Variants in RPP30 observed in about 807,000 individuals in gnomAD.
The protein encoded by RPP30 is ribonuclease P/MRP subunit p30, also known as ribonuclease P protein subunit p30.
In RPP30, 36 loss-of-function variants were observed where a neutral mutation model predicts 38.6. The ratio of observed to expected loss-of-function variants is 0.93; its 90% CI spans 0.71 to 1.23. RPP30 has a LOEUF of 1.23. RPP30 is among the 50% of genes most tolerant of loss of function. RPP30 has a pLI of 0.00. For missense variants in RPP30, 321 were observed against 321.7 expected, an observed-to-expected ratio of 1.00 and a Z score of 0.02; for synonymous variants, 126 against 112.7, an observed-to-expected ratio of 1.12 and a Z score of -0.75.
At chr10:90,875,333 A>G (rs1339957956) in intron 2 of RPP30, among the ~76,000 whole-genome samples, 3 of 152,198 alleles carry the variant, frequency 2.0e-5, no homozygotes, top group Non-Finnish European at 4.4e-5. Context: ...ATTTCAGTCT[A>G]AAAATTAGTT....
intron 6 of RPP30, 45 bp from the exon 7 acceptor site, chr10:90,894,730 C>T: frequency 1.5e-6 from 2 of 1,307,564 alleles, no homozygotes; most frequent in Non-Finnish European, 2.2e-6. Flanking sequence ...ATGAAGTAGG[C>T]CAGTGCATGC....
intron 5 of RPP30, among the ~76,000 whole-genome samples, chr10:90,880,456 A>G (rs1171889335): frequency 2.6e-5 from 4 of 152,188 alleles, no homozygotes; most frequent in African/African-American, 9.7e-5. Context: ...GGCCGGGCAC[A>G]GTGGCTTATG....
rs1847207755 is a variant in RPP30 at position 90,901,890 on chromosome 10, C to T, written c.*1211C>T. On this transcript the variant is annotated 3_prime_UTR_variant, in exon 11 of 11. Coordinates refer to ENST00000371703, the MANE Select transcript of RPP30 (RefSeq NM_006413.5). ...CTGGAGTGCAGTGGCTCGATCTCTG[C>T]TCACTGCAAGCTCCGCCTCCTGGGT... The T allele has an allele frequency of 1.7e-6, 1 of 604,842 alleles. No individual in the cohort carries two copies. Among genetic ancestry groups the T allele is most frequent in the Non-Finnish European group, 2.1e-6 (1 of 485,142 alleles). The allele number at this position is 604,842 out of a possible 1,614,324, so 37.5% of individuals were successfully genotyped here. A position where few individuals can be genotyped will look rare whatever the true frequency, so the allele number is the denominator to read the frequency against.
chr10:90,901,405 T>G lies in RPP30; in HGVS notation c.*726T>G, dbSNP rs1029997455. ...ACTTTAGTTCCTCTTGTTTTAAGCT[T>G]CTTTCATGTATTCAAATCAGCATTT... On this transcript the variant is annotated 3_prime_UTR_variant, in exon 11 of 11. Transcript: ENST00000371703. 15 of 984,718 alleles carry G rather than the reference T, an allele frequency of 1.5e-5. No individual in the cohort carries two copies. The highest frequency in any genetic ancestry group is 3.5e-5 in the African/African-American group (2 of 57,224). The allele number at this position is 984,718 out of a possible 1,614,324, so 61.0% of individuals were successfully genotyped here.
At chr10:90,895,974 G>A in intron 9 of RPP30, 57 bp downstream of exon 9, 1 of 1,342,224 alleles carries the variant, frequency 7.5e-7, no homozygotes, top group Non-Finnish European at 1.1e-6. Flanking sequence ...TTTTGAATTT[G>A]AAGTCGTATT....
At position 90,900,717 on chromosome 10, in the gene RPP30, C is replaced by G; in HGVS notation, c.*38C>G. On this transcript the variant is annotated 3_prime_UTR_variant, in exon 11 of 11. Transcript: ENST00000371703. ...AGTCTCTGTCAGCACTCCCTTCTTC[C>G]CTTTTATAGTTCATCAGCCACAACA... is the stretch of plus-strand genomic sequence containing the variant. 6.3e-7 allele frequency: 1 copy of G among 1,585,590 alleles called. No homozygotes were observed. Among genetic ancestry groups the G allele is most frequent in the Non-Finnish European group, 8.6e-7 (1 of 1,169,216 alleles).
intron 6 of RPP30, among the ~76,000 whole-genome samples, chr10:90,891,307 C>T (rs977367977): frequency 1.3e-5 from 2 of 152,188 alleles, no homozygotes; most frequent in Non-Finnish European, 2.9e-5. Flanking sequence ...CCTTTGTCTT[C>T]AGTGTGTTCT....
chr10:90,903,069 A>G, downstream of RPP30: 1 of 678,434 alleles, frequency 1.5e-6, no homozygotes, highest in South Asian at 1.7e-5. Flanking sequence ...GGTTTGGAAA[A>G]GAGTCATTAC....
intron 6 of RPP30, among the ~76,000 whole-genome samples, chr10:90,890,356 A>T (rs1318094232): frequency 6.6e-6 from 1 of 152,120 alleles, no homozygotes; most frequent in African/African-American, 2.4e-5. Context: ...TTCCATTTCA[A>T]TGTTATTGTC....
At chr10:90,903,391 A>T (rs1425777168), downstream of RPP30, 21 of 623,376 alleles carry the variant, frequency 3.4e-5, no homozygotes, top group Non-Finnish European at 5.7e-5. Flanking sequence ...TACCAGCTAC[A>T]GTTGCACCAG....
downstream of RPP30, among the ~76,000 whole-genome samples, chr10:90,903,552 T>C (rs2120244839): frequency 6.6e-6 from 1 of 152,328 alleles, no homozygotes; most frequent in African/African-American, 2.4e-5. Flanking sequence ...TAGTATGTGT[T>C]TGCAGTTGTG....
chr10:90,892,681 A>G (rs939913796), intron 6 of RPP30, among the ~76,000 whole-genome samples: 1 of 152,208 alleles, frequency 6.6e-6, no homozygotes, highest in African/African-American at 2.4e-5. Flanking sequence ...CTAGAAGGAT[A>G]AGGAAAAGAA....
chr10:90,875,708 A>G, intron 3 of RPP30, 94 bp downstream of exon 3: 1 of 1,030,762 alleles, frequency 9.7e-7, no homozygotes, highest in Non-Finnish European at 1.5e-6. Flanking sequence ...GCTGCACCTT[A>G]CTCTGAGTAC....
chr10:90,899,482 A>C (rs1045080110), intron 10 of RPP30, among the ~76,000 whole-genome samples: 3 of 152,088 alleles, frequency 2.0e-5, no homozygotes, highest in Non-Finnish European at 4.4e-5. Flanking sequence ...GCTAATGGGT[A>C]TCTCTCTCTT....
chr10:90,907,375 A>G (rs554749242), downstream of RPP30, among the ~76,000 whole-genome samples: 7 of 152,340 alleles, frequency 4.6e-5, no homozygotes, highest in East Asian at 1.9e-4. Context: ...AGAGATAACA[A>G]TGAAATCCCC....
In RPP30 at chr10:90,875,619, GTGTTTTGT is replaced by G. The variant is rs1178648065; in HGVS notation, c.195+11_195+18del. 6.2e-7 allele frequency: 1 copy of G among 1,610,606 alleles called. No individual in the cohort carries two copies. The highest frequency in any genetic ancestry group is 1.1e-5 in the South Asian group (1 of 90,998). On this transcript the variant is annotated splice_donor_region_variant and intron_variant, in intron 3 of 10. Transcript: ENST00000371703. ...ACAACTTTGCCAATTGTACAGGTAGGTGTTTTGTTGTTTACGAAGCATAATATCTATTT... is the reference window on the plus strand; with the variant it reads ...ACAACTTTGCCAATTGTACAGGTAGGTGTTTACGAAGCATAATATCTATTT...
rs988988157 is a variant in RPP30 at position 90,901,215 on chromosome 10, A to G, written c.*536A>G. The G allele has an allele frequency of 4.8e-6, 3 of 629,270 alleles. No individual in the cohort carries two copies. The highest frequency in any genetic ancestry group is 5.9e-6 in the Non-Finnish European group (3 of 508,840). The allele number at this position is 629,270 out of a possible 1,614,324, so 39.0% of individuals were successfully genotyped here. ...TTGCTGAGGCTGGTCTCAAACTCCT[A>G]GGATCAAGCCATCCTCCCGCTTTGG... On this transcript the variant is annotated 3_prime_UTR_variant, in exon 11 of 11. Transcript: ENST00000371703.
Position 90,898,208 on chromosome 10 carries a change from G to A in RPP30, c.697+1816G>A, listed in dbSNP as rs191334674. On this transcript the variant is annotated intron_variant, in intron 10 of 10. Coordinates refer to ENST00000371703, the MANE Select transcript of RPP30 (RefSeq NM_006413.5). ...TTTGTCTTTCTGTGTCTAAAATCAG[G>A]CTTTTATAGAAGCTAAACTTAAAGA... Among the ~76,000 whole-genome samples, 126 of 152,180 alleles carry A rather than the reference G, an allele frequency of 8.3e-4. 1 individual carries two copies. In the East Asian group the frequency reaches 0.016, roughly 19 times the overall value.
At chr10:90,876,209 A>G (rs1234693662) in intron 4 of RPP30, 111 bp downstream of exon 4, 1 of 654,250 alleles carries the variant, frequency 1.5e-6, no homozygotes, top group Non-Finnish European at 2.7e-6. Flanking sequence ...CGCCCCCGCC[A>G]AACCATGACA....
Sources: gnomAD v4.1 joint callset for allele counts (sites outside exome capture counted in the v4.1 genomes callset) on GRCh38, gnomAD v4.1.1 for gene constraint, MANE v1.5 for transcripts, NCBI Gene and HGNC (gene_info 2026-07-23, HGNC 2026-07-21) for gene names.